The following SMCO2 variants were observed in gnomAD, a reference collection of about 807,000 sequenced individuals.
The protein encoded by SMCO2 is single-pass membrane protein with coiled-coil domains 2.
A neutral mutation model predicts 29.5 loss-of-function variants in SMCO2; 25 were observed. The ratio of observed to expected loss-of-function variants is 0.85; its 90% CI spans 0.62 to 1.18. The LOEUF (loss-of-function observed/expected upper bound fraction) is 1.18. Ranked by LOEUF, SMCO2 falls within the 50% of genes most tolerant of loss-of-function variation. SMCO2 has a pLI of 0.00. For synonymous variants in SMCO2, 117 were observed against 123.3 expected (o/e 0.95, Z 0.34); for missense variants, 348 against 344.5 (o/e 1.01, Z -0.08).
the SMCO2 span, among the ~76,000 whole-genome samples, chr12:27,449,418 A>G: frequency 2.6e-5 from 4 of 152,252 alleles, no homozygotes; most frequent in African/African-American, 9.6e-5. Flanking sequence ...TCTCAATTAT[A>G]CAGAATTCTC....
At chr12:27,460,152 A>G in the SMCO2 span, among the ~76,000 whole-genome samples, 4 of 152,316 alleles carry the variant, frequency 2.6e-5, no homozygotes, top group Non-Finnish European at 5.9e-5. Context: ...TTATCTGTAA[A>G]ATGGAGACAA....
chr12:27,471,362 A>G (rs992107330), intron 2 of SMCO2, among the ~76,000 whole-genome samples: 4 of 152,156 alleles, frequency 2.6e-5, no homozygotes, highest in African/African-American at 9.7e-5. Context: ...ATATTTATTC[A>G]TTCTATCTAA....
At chr12:27,499,053 T>C (rs1943046398) in intron 7 of SMCO2, among the ~76,000 whole-genome samples, 1 of 150,742 alleles carries the variant, frequency 6.6e-6, no homozygotes, top group Non-Finnish European at 1.5e-5. Context: ...CGGTTAAATA[T>C]AGAATTACCA....
the SMCO2 span, among the ~76,000 whole-genome samples, chr12:27,436,259 C>T: frequency 5.1e-4 from 77 of 152,204 alleles, no homozygotes; most frequent in Non-Finnish European, 8.8e-5. Context: ...CTGCAGCACT[C>T]ACCTTGGGTG....
chr12:27,450,867 T>C, the SMCO2 span, among the ~76,000 whole-genome samples: 3 of 152,236 alleles, frequency 2.0e-5, no homozygotes, highest in Non-Finnish European at 2.9e-5. Context: ...CAGTGAGTAC[T>C]GCAAAGTTAT....
chr12:27,438,474 A>G, the SMCO2 span, among the ~76,000 whole-genome samples: 1 of 152,146 alleles, frequency 6.6e-6, no homozygotes, highest in East Asian at 1.9e-4. Context: ...AGTGCAATTC[A>G]TCACTTTGCC....
At chr12:27,448,570 A>T in the SMCO2 span, among the ~76,000 whole-genome samples, 1 of 152,156 alleles carries the variant, frequency 6.6e-6, no homozygotes, top group South Asian at 2.1e-4. Context: ...GGGCCAGCAG[A>T]CCCTTAAGCT....
At chr12:27,501,981 T>C (rs1236496284) in exon 8 of SMCO2, 1 of 1,547,880 alleles carries the variant, frequency 6.5e-7, no homozygotes, top group Non-Finnish European at 8.7e-7. Context: ...TGGACTTTTA[T>C]GTTACATACT....
At chr12:27,446,137 C>G in the SMCO2 span, among the ~76,000 whole-genome samples, 1 of 152,028 alleles carries the variant, frequency 6.6e-6, no homozygotes, top group South Asian at 2.1e-4. Flanking sequence ...CTCCTGACCT[C>G]GTAATCCACC....
chr12:27,472,995 T>C, intron 3 of SMCO2, 120 bp downstream of exon 3: 1 of 736,430 alleles, frequency 1.4e-6, no homozygotes, highest in Non-Finnish European at 2.2e-6. Flanking sequence ...TTCTAATTGG[T>C]GCAGAACTTC....
chr12:27,463,027 G>A (rs1256945429), upstream of SMCO2, among the ~76,000 whole-genome samples: 1 of 152,220 alleles, frequency 6.6e-6, no homozygotes, highest in Non-Finnish European at 1.5e-5. Flanking sequence ...TCCTGCTGGA[G>A]TGGAGCAGAT....
chr12:27,494,449 C>T (rs56656482), intron 6 of SMCO2, 93 bp downstream of exon 7: 17,013 of 539,610 alleles, frequency 0.032, 441 homozygotes, highest in African/African-American at 0.1. Flanking sequence ...TATGACGGTG[C>T]ACCACATACT....
upstream of SMCO2, among the ~76,000 whole-genome samples, chr12:27,465,512 A>T (rs1949491831): frequency 1.3e-5 from 2 of 152,200 alleles, no homozygotes; most frequent in Non-Finnish European, 2.9e-5. Flanking sequence ...TGCAGTACAG[A>T]CCGTAAGAAA....
At chr12:27,474,834 G>C (rs1346383136) in exon 4 of SMCO2, 1 of 1,551,650 alleles carries the variant, frequency 6.4e-7, no homozygotes, top group African/African-American at 1.4e-5. Context: ...GAGTAAACAG[G>C]ATAAGCAAGA....
chr12:27,433,495 G>A, the SMCO2 span, among the ~76,000 whole-genome samples: 3 of 131,656 alleles, frequency 2.3e-5, no homozygotes. Context: ...ATGGGCAGAT[G>A]CAGATGTGTA....
intron 3 of SMCO2, 39 bp downstream of exon 3, chr12:27,472,914 A>G (rs1949553313): frequency 2.1e-6 from 3 of 1,410,094 alleles, no homozygotes; most frequent in African/African-American, 1.4e-5. Context: ...CACTTAAATG[A>G]CACAGTAGGT....
rs142452495 is a variant in SMCO2 at position 27,480,462 on chromosome 12, G to C, written c.362+5549G>C. 4.8e-3 allele frequency among the ~76,000 whole-genome samples: 724 copies of C among 152,246 alleles called. 6 individuals carry two copies. Among genetic ancestry groups the C allele is most frequent in the African/African-American group, 0.017 (700 of 41,546 alleles). ...CTTAATCCAGTCAAGTTGACATCTAGTATTAACTATCACAAGTCAACCCCT... is the reference window on the plus strand; with the variant it reads ...CTTAATCCAGTCAAGTTGACATCTACTATTAACTATCACAAGTCAACCCCT... On this transcript the variant is annotated intron_variant, in intron 4 of 7. Coordinates refer to ENST00000298876, the Ensembl canonical transcript of SMCO2.
chr12:27,448,675 G>A, the SMCO2 span, among the ~76,000 whole-genome samples: 1 of 152,178 alleles, frequency 6.6e-6, no homozygotes, highest in Non-Finnish European at 1.5e-5. Context: ...TTATAATGTG[G>A]TTCAAGGTGA....
chr12:27,499,945 T>C (rs1943057339), intron 7 of SMCO2, among the ~76,000 whole-genome samples: 1 of 150,568 alleles, frequency 6.6e-6, no homozygotes, highest in African/African-American at 2.5e-5. Context: ...CCCTATGTAC[T>C]GACCATAAAT....
Sources: gnomAD v4.1 joint callset for allele counts (sites outside exome capture counted in the v4.1 genomes callset) on GRCh38, gnomAD v4.1.1 for gene constraint, MANE v1.5 for transcripts, NCBI Gene and HGNC (gene_info 2026-07-23, HGNC 2026-07-21) for gene names.